Variants in PHIP observed in about 807,000 individuals in gnomAD.
The protein encoded by PHIP is PH-interacting protein.
A neutral mutation model predicts 236.8 loss-of-function variants in PHIP; 54 were observed. That is an observed-to-expected ratio of 0.23 (90% CI 0.18 to 0.29). PHIP has a LOEUF of 0.29. Ranked by LOEUF, PHIP falls within the 10% of genes least tolerant of loss-of-function variation. The pLI is 1.00. For synonymous variants in PHIP, 756 were observed against 718.9 expected, an observed-to-expected ratio of 1.05 and a Z score of -0.83; for missense variants, 1,370 against 2,190.8, an observed-to-expected ratio of 0.63 and a Z score of 7.48.
intron 24 of PHIP, among the ~76,000 whole-genome samples, chr6:78,972,564 A>G (rs534225639): frequency 5.3e-5 from 8 of 152,344 alleles, no homozygotes; most frequent in Admixed American, 1.3e-4. Context: ...AAGGCTTCAG[A>G]CGATCAAATT....
intron 36 of PHIP, 76 bp from the exon 37 acceptor site, chr6:78,946,950 A>G: frequency 1.3e-6 from 1 of 788,412 alleles, no homozygotes; most frequent in South Asian, 1.9e-5. Context: ...TGTAATGTAA[A>G]TATTTTTCCA....
intron 17 of PHIP, among the ~76,000 whole-genome samples, 153 bp downstream of exon 17, chr6:79,001,746 C>A (rs958877292): frequency 3.9e-5 from 6 of 152,056 alleles, no homozygotes; most frequent in Non-Finnish European, 7.4e-5. Context: ...AACTTGTAAT[C>A]CTTAAGCATG....
chr6:78,984,197 T>C (rs1376412650), intron 22 of PHIP, among the ~76,000 whole-genome samples: 1 of 152,224 alleles, frequency 6.6e-6, no homozygotes, highest in Non-Finnish European at 1.5e-5. Context: ...TCTCTGATTA[T>C]CCTAATCATC....
chr6:79,039,846 A>C (rs562027631), intron 7 of PHIP, among the ~76,000 whole-genome samples: 1 of 152,236 alleles, frequency 6.6e-6, no homozygotes, highest in East Asian at 1.9e-4. Context: ...GCTAAAAGAG[A>C]ATTAGTGAAC....
At chr6:78,987,127 T>A (rs940640592) in intron 21 of PHIP, among the ~76,000 whole-genome samples, 2 of 152,134 alleles carry the variant, frequency 1.3e-5, no homozygotes, top group Non-Finnish European at 2.9e-5. Flanking sequence ...ATAAATTAGT[T>A]TGAAGACACT....
At chr6:79,051,968 A>G (rs925053300) in intron 6 of PHIP, among the ~76,000 whole-genome samples, 4 of 152,142 alleles carry the variant, frequency 2.6e-5, no homozygotes, top group Admixed American at 6.6e-5. Context: ...GAGTCAACAA[A>G]CATTTATAGA....
intron 9 of PHIP, 46 bp from the exon 10 acceptor site, chr6:79,019,205 G>A (rs1300835872): frequency 3.0e-6 from 4 of 1,319,340 alleles, no homozygotes; most frequent in Non-Finnish European, 1.1e-6. Context: ...AAAGGAACCA[G>A]TAGCAGCAGA....
At chr6:78,961,427 G>C (rs1766769345) in intron 31 of PHIP, among the ~76,000 whole-genome samples, 2 of 151,822 alleles carry the variant, frequency 1.3e-5, no homozygotes, top group South Asian at 2.1e-4. Flanking sequence ...TCAGCCTCTA[G>C]GAAAAACTGT....
intron 24 of PHIP, among the ~76,000 whole-genome samples, chr6:78,971,801 G>C (rs559206587): frequency 2.0e-4 from 31 of 152,154 alleles, no homozygotes; most frequent in Non-Finnish European, 4.3e-4. Context: ...ACTCCCACCC[G>C]AATACTGCGC....
At chr6:79,047,976 T>C (rs1468304290) in intron 6 of PHIP, among the ~76,000 whole-genome samples, 3 of 151,904 alleles carry the variant, frequency 2.0e-5, no homozygotes, top group Admixed American at 1.3e-4. Flanking sequence ...ATTACATTAT[T>C]GTATATATGG....
chr6:78,979,949 A>C (rs1768400411), intron 23 of PHIP, among the ~76,000 whole-genome samples: 1 of 152,046 alleles, frequency 6.6e-6, no homozygotes, highest in South Asian at 2.1e-4. Flanking sequence ...AGCCACAGCC[A>C]CACTGAGTGT....
At chr6:79,055,598 T>A (rs1773028798) in intron 6 of PHIP, among the ~76,000 whole-genome samples, 1 of 152,154 alleles carries the variant, frequency 6.6e-6, no homozygotes, top group Non-Finnish European at 1.5e-5. Context: ...TGTCTTTGCT[T>A]TTGAAAACAG....
intron 6 of PHIP, among the ~76,000 whole-genome samples, chr6:79,046,742 G>A (rs568062808): frequency 6.6e-5 from 10 of 152,006 alleles, no homozygotes; most frequent in African/African-American, 1.7e-4. Context: ...CTGGTGTGGC[G>A]GTAGGTGCCT....
intron 24 of PHIP, among the ~76,000 whole-genome samples, chr6:78,971,728 G>C (rs552217141): frequency 3.3e-5 from 5 of 152,146 alleles, no homozygotes; most frequent in Admixed American, 6.5e-5. Context: ...AGCACAGGGA[G>C]TCAGGGAGTT....
chr6:79,022,500 C>T (rs1032206634), intron 9 of PHIP, among the ~76,000 whole-genome samples: 1 of 152,258 alleles, frequency 6.6e-6, no homozygotes, highest in African/African-American at 2.4e-5. Context: ...TTTCCCTTAT[C>T]TGCCCCAGAG....
chr6:78,966,163 A>G (rs1767112006), intron 27 of PHIP, 107 bp from the exon 28 acceptor site: 2 of 694,510 alleles, frequency 2.9e-6, no homozygotes, highest in Admixed American at 2.3e-5. Flanking sequence ...ATGATTTCAG[A>G]AGACAAAAAG....
intron 30 of PHIP, among the ~76,000 whole-genome samples, 157 bp downstream of exon 30, chr6:78,962,940 G>A (rs1766878592): frequency 6.6e-6 from 1 of 152,084 alleles, no homozygotes; most frequent in South Asian, 2.1e-4. Flanking sequence ...GTTAAGTCCT[G>A]TGTTAAGACC....
intron 17 of PHIP, among the ~76,000 whole-genome samples, chr6:79,000,278 T>C (rs1197590947): frequency 3.9e-5 from 6 of 152,060 alleles, no homozygotes; most frequent in African/African-American, 1.2e-4. Context: ...CCAGTATTAT[T>C]GCTATGGATT....
At chr6:78,977,676 T>C (rs1315338380) in intron 24 of PHIP, among the ~76,000 whole-genome samples, 1 of 152,184 alleles carries the variant, frequency 6.6e-6, no homozygotes, top group Non-Finnish European at 1.5e-5. Flanking sequence ...CTGGCCATGT[T>C]GAAATAATGT....
Sources: allele counts gnomAD v4.1 joint callset (sites outside exome capture counted in the v4.1 genomes callset), GRCh38; gene constraint gnomAD v4.1.1; transcripts MANE v1.5; gene names NCBI Gene and HGNC (gene_info 2026-07-23, HGNC 2026-07-21).